KIFAP3: variants seen among roughly 807,000 people sequenced by gnomAD.
The protein encoded by KIFAP3 is kinesin-associated protein 3.
In KIFAP3, 68 loss-of-function variants were observed where a neutral mutation model predicts 106.5. The observed-to-expected ratio is 0.64, with a 90% CI of 0.53 to 0.78. KIFAP3 has a LOEUF of 0.78. KIFAP3 is among the 30% of genes least tolerant of loss of function. KIFAP3 has a pLI of 0.00. For missense variants in KIFAP3, 780 were observed against 941.8 expected (o/e 0.83, Z 2.25); for synonymous variants, 320 against 311.5 (o/e 1.03, Z -0.29).
At chr1:169,947,967 G>C (rs2101829251) in intron 19 of KIFAP3, among the ~76,000 whole-genome samples, 1 of 150,672 alleles carries the variant, frequency 6.6e-6, no homozygotes, top group East Asian at 1.9e-4. Flanking sequence ...CTAGTATGTA[G>C]ACAAAAATCT....
Position 169,957,746 on chromosome 1 carries a change from C to T in KIFAP3, c.2173+3300G>A, listed in dbSNP as rs540700887. 1.3e-4 allele frequency among the ~76,000 whole-genome samples: 20 copies of T among 152,210 alleles called. No individual in the cohort carries two copies. In the South Asian group the frequency reaches 4.1e-3, roughly 32 times the overall value. On this transcript the variant is annotated intron_variant, in intron 18 of 19. Coordinates refer to ENST00000361580, the MANE Select transcript of KIFAP3 (RefSeq NM_014970.4). ...GGTTCAAGCGATTCTCCTGTCTCAG[C>T]CTCCCGAGTAGCTGGGATTACAGGC...
chr1:169,973,446 T>TAA (rs58725585), intron 16 of KIFAP3, among the ~76,000 whole-genome samples: 3 of 147,778 alleles, frequency 2.0e-5, no homozygotes, highest in Admixed American at 1.4e-4. Context: ...TTCCTGAAAT[T>TAA]AAAAAAAAGG....
chr1:169,960,249 G>C (rs1249298214), intron 18 of KIFAP3, among the ~76,000 whole-genome samples: 1 of 152,044 alleles, frequency 6.6e-6, no homozygotes, highest in Non-Finnish European at 1.5e-5. Flanking sequence ...ACACATAGTA[G>C]AAAATAAGGT....
At chr1:170,039,320 T>C in intron 3 of KIFAP3, 32 bp from the exon 4 acceptor site, 1 of 1,234,450 alleles carries the variant, frequency 8.1e-7, no homozygotes, top group Non-Finnish European at 1.2e-6. Context: ...ATAAGGAGAC[T>C]TAGGTTTTTA....
At chr1:170,073,990 C>T (rs1571777117) in intron 1 of KIFAP3, among the ~76,000 whole-genome samples, 1 of 152,180 alleles carries the variant, frequency 6.6e-6, no homozygotes, top group South Asian at 2.1e-4. Context: ...TCCACCACTT[C>T]TTTCCCCTTC....
intron 19 of KIFAP3, among the ~76,000 whole-genome samples, chr1:169,928,723 T>TAAAAAAAAAA (rs1258694998): frequency 3.2e-4 from 21 of 65,394 alleles, no homozygotes; most frequent in South Asian, 1.0e-3. Flanking sequence ...AAAAAAAAAT[T>TAAAAAAAAAA]AAAGTTATAC....
chr1:170,069,481 G>A (rs1348734910), intron 1 of KIFAP3, among the ~76,000 whole-genome samples: 1 of 151,854 alleles, frequency 6.6e-6, no homozygotes. Flanking sequence ...CAGAATACAG[G>A]AGTATATTAA....
Position 169,992,249 on chromosome 1 carries a change from T to A in KIFAP3, c.1190A>T (p.Asp397Val), listed in dbSNP as rs1359009959. 9 of 1,556,776 alleles carry A rather than the reference T, an allele frequency of 5.8e-6. No individual in the cohort carries two copies. Among genetic ancestry groups the A allele is most frequent in the Non-Finnish European group, 7.8e-6 (9 of 1,149,998 alleles). The change falls in exon 11 of 20, where the codon GAC becomes GTC. Residue 397 changes from aspartate (D) to valine (V), a missense_variant. Transcript: ENST00000361580. ...ACACATTGCTATTTGTTTGTAGTTG[T>A]CATTGCCTAGGAATAAAACATCATG... ...LPKLTALLGN[D>V]NYKQIAMCVL...
chr1:169,978,522 G>T, intron 15 of KIFAP3, among the ~76,000 whole-genome samples: 1 of 151,944 alleles, frequency 6.6e-6, no homozygotes, highest in South Asian at 2.1e-4. Flanking sequence ...TCATAAAAAG[G>T]TATTTCCTTT....
intron 19 of KIFAP3, 22 bp from the exon 20 acceptor site, chr1:169,921,803 G>A (rs759232188): frequency 6.4e-7 from 1 of 1,564,968 alleles, no homozygotes; most frequent in Non-Finnish European, 8.8e-7. Flanking sequence ...AAAAAAGAAT[G>A]ATAAGCTATG....
chr1:170,080,528 T>C (rs937233217), intron 1 of KIFAP3, among the ~76,000 whole-genome samples: 2 of 152,122 alleles, frequency 1.3e-5, no homozygotes, highest in Non-Finnish European at 2.9e-5. Context: ...CAATTCAATG[T>C]GTATTGGCAT....
chr1:170,010,318 A>C (rs575138759), intron 10 of KIFAP3, among the ~76,000 whole-genome samples: 247 of 152,146 alleles, frequency 1.6e-3, no homozygotes, highest in African/African-American at 5.7e-3. Context: ...ATGAGATAGA[A>C]AATTTAAAAT....
chr1:169,979,958 C>A (rs1017495398), intron 15 of KIFAP3, among the ~76,000 whole-genome samples: 9 of 152,050 alleles, frequency 5.9e-5, no homozygotes, highest in African/African-American at 4.8e-5. Context: ...AATGAACAAA[C>A]TTTTGTATAC....
At chr1:170,062,384 C>G (rs1398152518) in intron 1 of KIFAP3, among the ~76,000 whole-genome samples, 5 of 150,296 alleles carry the variant, frequency 3.3e-5, no homozygotes, top group African/African-American at 1.2e-4. Flanking sequence ...TTGGTTTTTT[C>G]ATTTTTTAAA....
chr1:169,976,470 T>A (rs956806109), intron 16 of KIFAP3, among the ~76,000 whole-genome samples: 3 of 152,096 alleles, frequency 2.0e-5, no homozygotes, highest in Non-Finnish European at 4.4e-5. Context: ...TTATGTTCCA[T>A]GGAATACAGC....
intron 19 of KIFAP3, among the ~76,000 whole-genome samples, chr1:169,947,994 CGTT>C (rs1664529912): frequency 6.6e-6 from 1 of 150,416 alleles, no homozygotes; most frequent in African/African-American, 2.4e-5. Flanking sequence ...ACAAAAATAA[CGTT>C]GTAAAAATGT....
At chr1:169,978,308 G>T in intron 15 of KIFAP3, 125 bp from the exon 16 acceptor site, 1 of 599,166 alleles carries the variant, frequency 1.7e-6, no homozygotes. Flanking sequence ...AGCAGAAATG[G>T]ATTTAACTTC....
intron 6 of KIFAP3, 102 bp downstream of exon 6, chr1:170,035,352 A>G (rs915321018): frequency 5.9e-5 from 38 of 643,064 alleles, no homozygotes; most frequent in Non-Finnish European, 9.3e-5. Context: ...GCAGACACAC[A>G]GAAAAACTGA....
intron 18 of KIFAP3, 117 bp downstream of exon 18, chr1:169,960,929 C>T (rs1665294459): frequency 1.5e-6 from 1 of 666,280 alleles, no homozygotes; most frequent in Non-Finnish European, 2.4e-6. Flanking sequence ...AAATCATTAG[C>T]AGACCATTCA....
Sources: gnomAD v4.1 joint callset for allele counts (sites outside exome capture counted in the v4.1 genomes callset) on GRCh38, gnomAD v4.1.1 for gene constraint, MANE v1.5 for transcripts, NCBI Gene and HGNC (gene_info 2026-07-23, HGNC 2026-07-21) for gene names.